NRG3: variants seen among roughly 807,000 people sequenced by gnomAD.
NRG3 encodes the protein pro-neuregulin-3, membrane-bound isoform.
NRG3 carries 31 observed loss-of-function variants against 66.9 expected under a neutral mutation model. That is an observed-to-expected ratio of 0.46 (90% CI 0.35 to 0.63). The LOEUF (loss-of-function observed/expected upper bound fraction) is 0.63. Among genes scored for constraint, NRG3 ranks in the 20% least tolerant of loss-of-function variants. The probability of loss-of-function intolerance (pLI) is 0.00; values close to 1 mark genes in which losing one functional copy is unlikely to be tolerated. For synonymous variants in NRG3, 393 were observed against 359.4 expected (o/e 1.09, Z -1.06); for missense variants, 910 against 878.9 (o/e 1.04, Z -0.45).
At chr10:82,253,802 G>A (rs1414771) in intron 1 of NRG3, among the ~76,000 whole-genome samples, 12,590 of 152,156 alleles carry the variant, frequency 0.083, 1,409 homozygotes, top group African/African-American at 0.25. Context: ...ACAAGTATTG[G>A]TTCATCTGGC....
chr10:82,877,559 T>TA lies in NRG3; in HGVS notation c.1054+12122_1054+12123insA, dbSNP rs1841944232. Among the ~76,000 whole-genome samples, 2 of 89,184 alleles carry TA rather than the reference T, an allele frequency of 2.2e-5. 1 individual carries two copies. The highest frequency in any genetic ancestry group is 4.5e-5 in the Non-Finnish European group (2 of 44,314). 58.5% of individuals were successfully genotyped at this position (89,184 alleles called of 152,430 possible). ...CGGCTTTTTTTTTTTTTTTTTTTTTTTGGATTTTTAGTGGAGACAGAGTTT... is the reference window on the plus strand; with the variant it reads ...CGGCTTTTTTTTTTTTTTTTTTTTTTATGGATTTTTAGTGGAGACAGAGTTT... On this transcript the variant is annotated intron_variant, in intron 4 of 8. Coordinates refer to ENST00000372141, the MANE Select transcript of NRG3 (RefSeq NM_001010848.4).
intron 2 of NRG3, among the ~76,000 whole-genome samples, chr10:82,361,341 T>C (rs1429289147): frequency 6.6e-6 from 1 of 152,196 alleles, no homozygotes; most frequent in East Asian, 1.9e-4. Context: ...TAAGACAAAA[T>C]TGGAACTCGA....
chr10:82,532,668 T>G (rs1344907361), intron 2 of NRG3, among the ~76,000 whole-genome samples: 1 of 150,354 alleles, frequency 6.7e-6, no homozygotes, highest in African/African-American at 2.4e-5. Flanking sequence ...TCTCTCATTT[T>G]TTTAATCTAT....
At chr10:82,815,860 C>T (rs1260414615) in intron 3 of NRG3, among the ~76,000 whole-genome samples, 5 of 152,144 alleles carry the variant, frequency 3.3e-5, no homozygotes, top group Admixed American at 6.5e-5. Flanking sequence ...CAAGCAAGCA[C>T]GGAGACCAGC....
intron 1 of NRG3, among the ~76,000 whole-genome samples, chr10:82,231,790 A>G (rs1403521495): frequency 6.6e-6 from 1 of 152,222 alleles, no homozygotes; most frequent in Non-Finnish European, 1.5e-5. Context: ...GATTGATTTC[A>G]AAATGTTACA....
intron 3 of NRG3, among the ~76,000 whole-genome samples, chr10:82,856,717 C>A (rs1259594590): frequency 2.4e-5 from 3 of 124,440 alleles, no homozygotes; most frequent in African/African-American, 9.5e-5. Context: ...GCACTCCAGC[C>A]TGGGAGACAG....
At chr10:82,019,429 T>C (rs1164287206) in intron 1 of NRG3, among the ~76,000 whole-genome samples, 1 of 152,156 alleles carries the variant, frequency 6.6e-6, no homozygotes, top group Non-Finnish European at 1.5e-5. Flanking sequence ...CAGGCTTTGG[T>C]ATCAGGATGA....
At chr10:82,170,398 A>C (rs2072476802) in intron 1 of NRG3, among the ~76,000 whole-genome samples, 1 of 151,774 alleles carries the variant, frequency 6.6e-6, no homozygotes, top group Non-Finnish European at 1.5e-5. Flanking sequence ...GGTAATATTA[A>C]AATCATAGCC....
chr10:82,753,243 T>G (rs1024280124), intron 3 of NRG3, among the ~76,000 whole-genome samples: 2 of 152,172 alleles, frequency 1.3e-5, no homozygotes, highest in South Asian at 2.1e-4. Flanking sequence ...CTTTTTATGA[T>G]GAGTGACATG....
chr10:82,193,179 G>A (rs2074255641), intron 1 of NRG3, among the ~76,000 whole-genome samples: 1 of 152,186 alleles, frequency 6.6e-6, no homozygotes, highest in Non-Finnish European at 1.5e-5. Flanking sequence ...GTCTCACTTT[G>A]TTACCCAGGC....
chr10:82,412,139 AAC>A (rs1289920768), intron 2 of NRG3, among the ~76,000 whole-genome samples: 1 of 152,164 alleles, frequency 6.6e-6, no homozygotes, highest in Non-Finnish European at 1.5e-5. Flanking sequence ...AAAAAAAACT[AAC>A]ACATCAAATT....
intron 1 of NRG3, among the ~76,000 whole-genome samples, chr10:82,044,309 G>T (rs914555297): frequency 6.6e-6 from 1 of 151,958 alleles, no homozygotes; most frequent in Non-Finnish European, 1.5e-5. Context: ...AGCTCATGGG[G>T]CAAGGCAGCA....
At chr10:81,975,369 CTATCTATT>C (rs1333966259) in intron 1 of NRG3, among the ~76,000 whole-genome samples, 3 of 138,940 alleles carry the variant, frequency 2.2e-5, no homozygotes, top group Non-Finnish European at 3.2e-5. Context: ...ATCTATCTAT[CTATCTATT>C]CATCCATCCA....
chr10:82,197,334 A>T (rs1041438321), intron 1 of NRG3, among the ~76,000 whole-genome samples: 1 of 152,178 alleles, frequency 6.6e-6, no homozygotes, highest in Non-Finnish European at 1.5e-5. Flanking sequence ...CCAGAGGTTA[A>T]ACTTAGTTTT....
At chr10:82,317,101 T>C (rs969920738) in intron 1 of NRG3, among the ~76,000 whole-genome samples, 1 of 152,124 alleles carries the variant, frequency 6.6e-6, no homozygotes, top group African/African-American at 2.4e-5. Context: ...TCCAGAAAGG[T>C]ATAGAATGTG....
At chr10:82,809,308 A>G (rs972263849) in intron 3 of NRG3, among the ~76,000 whole-genome samples, 4 of 152,238 alleles carry the variant, frequency 2.6e-5, no homozygotes, top group African/African-American at 9.6e-5. Context: ...TGAACCAAAG[A>G]TCCACTGTTT....
intron 3 of NRG3, among the ~76,000 whole-genome samples, chr10:82,831,124 G>A (rs1056897788): frequency 6.6e-6 from 1 of 152,238 alleles, no homozygotes; most frequent in South Asian, 2.1e-4. Flanking sequence ...TCTAAGACTT[G>A]AGCTTAATTA....
rs564563945 is a variant in NRG3, at chr10:82,867,842, C to T, written c.1054+2405C>T. Among the ~76,000 whole-genome samples the T allele has an allele frequency of 8.8e-5, 13 of 147,836 alleles. No homozygotes were observed. The South Asian group carries it at 2.8e-3, about 32-fold the overall frequency. ...TGGGCATATTTTTGCAGTAAGAATA[C>T]ATTGTTGAGAAGGGCACACAATTTG... On this transcript the variant is annotated intron_variant, in intron 4 of 8. Transcript: ENST00000372141.
At chr10:82,667,365 G>A (rs1430197979) in intron 2 of NRG3, among the ~76,000 whole-genome samples, 1 of 152,136 alleles carries the variant, frequency 6.6e-6, no homozygotes, top group African/African-American at 2.4e-5. Flanking sequence ...TGTGAAGAAT[G>A]ATGTCTCCAG....
Sources: allele counts gnomAD v4.1 joint callset (sites outside exome capture counted in the v4.1 genomes callset), GRCh38; gene constraint gnomAD v4.1.1; transcripts MANE v1.5; gene names NCBI Gene and HGNC (gene_info 2026-07-23, HGNC 2026-07-21).